Variants in SAP130 observed in about 807,000 individuals in gnomAD.
SAP130 encodes histone deacetylase complex subunit SAP130.
SAP130 carries 16 observed loss-of-function variants against 103.2 expected under a neutral mutation model. The ratio of observed to expected loss-of-function variants is 0.16; its 90% CI spans 0.10 to 0.24. The LOEUF is 0.24. Among genes scored for constraint, SAP130 ranks in the 10% least tolerant of loss-of-function variants. SAP130 has a pLI of 1.00. For synonymous variants in SAP130, 477 were observed against 497.0 expected, an observed-to-expected ratio of 0.96 and a Z score of 0.53; for missense variants, 990 against 1,359.7, an observed-to-expected ratio of 0.73 and a Z score of 4.28.
intron 3 of SAP130, among the ~76,000 whole-genome samples, chr2:128,016,953 A>C (rs970072852): frequency 6.6e-6 from 1 of 152,156 alleles, no homozygotes; most frequent in African/African-American, 2.4e-5. Context: ...CCCCAAATTA[A>C]CCAGTTATTA....
chr2:127,947,289 C>A (rs1679152829), intron 18 of SAP130, among the ~76,000 whole-genome samples: 1 of 152,146 alleles, frequency 6.6e-6, no homozygotes, highest in South Asian at 2.1e-4. Flanking sequence ...ACCCAGTTCA[C>A]AGTACTTTGT....
At chr2:127,978,620 G>T (rs1350697923) in intron 14 of SAP130, among the ~76,000 whole-genome samples, 1 of 152,168 alleles carries the variant, frequency 6.6e-6, no homozygotes, top group Non-Finnish European at 1.5e-5. Context: ...GACATGTTTA[G>T]TTTTGACAGA....
intron 9 of SAP130, 29 bp downstream of exon 9, chr2:128,000,027 T>C (rs199689774): frequency 2.6e-4 from 416 of 1,600,746 alleles, no homozygotes; most frequent in Non-Finnish European, 3.1e-4. Flanking sequence ...TTTTCCCCAG[T>C]AGAAGGAAGA....
chr2:127,942,905 T>C lies in SAP130; in HGVS notation c.2902-368A>G, dbSNP rs922165989. 6.6e-6 allele frequency among the ~76,000 whole-genome samples: 1 copy of C among 152,060 alleles called. No individual in the cohort carries two copies. The highest frequency in any genetic ancestry group is 2.4e-5 in the African/African-American group (1 of 41,390). Reference sequence around the variant, plus strand: ...CGGGAGGCTGAGGCAGGAGAATCGCTTGAACCCGGGAGGCAGAGGTTGCAG... The same window carrying C: ...CGGGAGGCTGAGGCAGGAGAATCGCCTGAACCCGGGAGGCAGAGGTTGCAG... On this transcript the variant is annotated intron_variant, in intron 19 of 20. Coordinates refer to ENST00000643581, the MANE Select transcript of SAP130 (RefSeq NM_001330301.2). The surrounding 1 kb of genome is among the most constrained non-coding windows in gnomAD (Gnocchi z 4.8).
intron 15 of SAP130, among the ~76,000 whole-genome samples, chr2:127,959,573 A>G (rs1680094194): frequency 6.6e-6 from 1 of 152,218 alleles, no homozygotes; most frequent in South Asian, 2.1e-4. Flanking sequence ...CTGCTGGTGT[A>G]GTTTGAGAGG....
chr2:128,026,344 G>A, intron 1 of SAP130, 46 bp from the exon 2 acceptor site: 1 of 1,336,586 alleles, frequency 7.5e-7, no homozygotes, highest in South Asian at 1.2e-5. Flanking sequence ...TCTGAGATCT[G>A]AATCAATACT....
chr2:127,946,816 G>T (rs1020473124), intron 18 of SAP130, among the ~76,000 whole-genome samples: 4 of 151,154 alleles, frequency 2.6e-5, no homozygotes, highest in Non-Finnish European at 5.9e-5. Flanking sequence ...CCCAGGAGGC[G>T]GAGGTTGCAG....
At position 127,996,214 on chromosome 2, in the gene SAP130, G is replaced by T; in HGVS notation, c.1355+136C>A. ...CACATAAAAAAAGGAATTATACGAA[G>T]TGTTACTTTCAGGGGAAAATCTGAA... On this transcript the variant is annotated intron_variant, in intron 11 of 20. Transcript: ENST00000643581. The surrounding 1 kb of genome is among the most constrained non-coding windows in gnomAD (Gnocchi z 4.3). The T allele has an allele frequency of 2.7e-6, 2 of 740,586 alleles. No homozygotes were observed. Among genetic ancestry groups the T allele is most frequent in the Non-Finnish European group, 3.9e-6 (2 of 517,988 alleles). 45.9% of individuals were successfully genotyped at this position (740,586 alleles called of 1,614,324 possible).
intron 15 of SAP130, among the ~76,000 whole-genome samples, chr2:127,969,249 T>C (rs1298483791): frequency 6.6e-6 from 1 of 152,138 alleles, no homozygotes; most frequent in East Asian, 1.9e-4. Flanking sequence ...GTTGAATAAT[T>C]AGCAAGTACT....
At position 128,016,534 on chromosome 2, in the gene SAP130, G is replaced by T. The variant is rs1245136245; in HGVS notation, c.362C>A (p.Pro121His). The change falls in exon 4 of 21, where the codon CCC becomes CAC. Residue 121 changes from proline (P) to histidine (H), a missense_variant. By Grantham distance (77) the Pro-to-His change is moderately conservative. Coordinates refer to ENST00000643581, the MANE Select transcript of SAP130 (RefSeq NM_001330301.2). ...AGCAATGGGACGGCTAGGCATGGTGGGCTTCGGGGGCGGCTGCAAACAGAA... is the reference window on the plus strand; with the variant it reads ...AGCAATGGGACGGCTAGGCATGGTGTGCTTCGGGGGCGGCTGCAAACAGAA... The part of the protein sequence containing the change: ...SEGLMKPPPK[P>H]TMPSRPIAPA... The T allele has an allele frequency of 2.5e-6, 4 of 1,610,672 alleles. No individual in the cohort carries two copies. The highest frequency in any genetic ancestry group is 1.1e-5 in the South Asian group (1 of 90,664).
In SAP130 at chr2:128,026,281, T is replaced by C. The variant is rs370859226; in HGVS notation, c.12A>G (p.Gln4=). The change falls in exon 2 of 21, where the codon CAA becomes CAG. Residue 4 remains glutamine, a synonymous_variant. Transcript: ENST00000643581. ...AAGGGGCTCCTAACCGAGGAAACTG[T>C]TGAGAACTCATTTCCACCTGTAGTA... MSS[Q]QFPRLGAPST... The C allele has an allele frequency of 8.7e-6, 14 of 1,613,586 alleles. No homozygotes were observed. The highest frequency in any genetic ancestry group is 1.2e-5 in the Non-Finnish European group (14 of 1,179,618).
At chr2:128,000,213 A>G in intron 8 of SAP130, 67 bp from the exon 9 acceptor site, 1 of 1,607,664 alleles carries the variant, frequency 6.2e-7, no homozygotes, top group Non-Finnish European at 8.5e-7. Flanking sequence ...AAACACAATC[A>G]ATGCCTTCGG....
At chr2:128,017,953 T>C (rs1416805280) in intron 2 of SAP130, 38 bp from the exon 3 acceptor site, 1 of 1,532,514 alleles carries the variant, frequency 6.5e-7, no homozygotes. Flanking sequence ...TATGTCACAG[T>C]CTCCCAGTGT....
intron 14 of SAP130, among the ~76,000 whole-genome samples, chr2:127,979,738 C>T (rs901421367): frequency 2.0e-5 from 3 of 151,950 alleles, no homozygotes; most frequent in Non-Finnish European, 4.4e-5. Context: ...AATGAAATGA[C>T]ATGGTATCTA....
Position 128,000,467 on chromosome 2 carries a change from C to T in SAP130, c.870-13G>A. On this transcript the variant is annotated splice_polypyrimidine_tract_variant and intron_variant, in intron 7 of 20. Coordinates refer to ENST00000643581, the MANE Select transcript of SAP130 (RefSeq NM_001330301.2). ...CAAGGTTGGCCTACTGAAAAGATAA[C>T]AAAGACACAATGCAGATGGGCAAGG... 5 of 1,613,980 alleles carry T rather than the reference C, an allele frequency of 3.1e-6. No homozygotes were observed. Among genetic ancestry groups the T allele is most frequent in the Non-Finnish European group, 4.2e-6 (5 of 1,179,938 alleles).
chr2:128,016,228 G>C (rs1684767071), intron 4 of SAP130, among the ~76,000 whole-genome samples, 161 bp downstream of exon 4: 1 of 152,054 alleles, frequency 6.6e-6, no homozygotes, highest in Non-Finnish European at 1.5e-5. Flanking sequence ...TCCCTTTACA[G>C]TTATCCTTCT....
At position 127,942,605 on chromosome 2, in the gene SAP130, G is replaced by A; in HGVS notation, c.2902-68C>T. 1 of 895,144 alleles carries A rather than the reference G, an allele frequency of 1.1e-6. No individual in the cohort carries two copies. Among genetic ancestry groups the A allele is most frequent in the Non-Finnish European group, 1.9e-6 (1 of 537,072 alleles). The allele number at this position is 895,144 out of a possible 1,614,324, so 55.5% of individuals were successfully genotyped here. On this transcript the variant is annotated intron_variant, in intron 19 of 20. Coordinates refer to ENST00000643581, the MANE Select transcript of SAP130 (RefSeq NM_001330301.2). The surrounding 1 kb of genome is among the most constrained non-coding windows in gnomAD (Gnocchi z 4.8). ...TTTTCTATGTCAACCCCAGGCAAAT[G>A]AACCCACCTTCAATCACCTTTGTAA...
intron 14 of SAP130, among the ~76,000 whole-genome samples, chr2:127,979,424 G>A (rs1681706047): frequency 6.6e-6 from 1 of 152,140 alleles, no homozygotes; most frequent in Non-Finnish European, 1.5e-5. Flanking sequence ...CATTGGGGAT[G>A]CCATCAACAA....
At chr2:128,012,649 G>A (rs1367471441) in intron 6 of SAP130, among the ~76,000 whole-genome samples, 2 of 151,964 alleles carry the variant, frequency 1.3e-5, no homozygotes, top group Non-Finnish European at 2.9e-5. Context: ...CATGGACCAT[G>A]TTCTTGGAAT....
Sources: allele counts gnomAD v4.1 joint callset (sites outside exome capture counted in the v4.1 genomes callset), GRCh38; gene constraint gnomAD v4.1.1; non-coding constraint Gnocchi (gnomAD v3.1); transcripts MANE v1.5; gene names NCBI Gene and HGNC (gene_info 2026-07-23, HGNC 2026-07-21).